The following TBL1XR1 variants were observed in gnomAD, a reference collection of about 807,000 sequenced individuals.
TBL1XR1 encodes the protein TBL1X/Y related 1.
In TBL1XR1, 5 loss-of-function variants were observed where a neutral mutation model predicts 66.9. The observed-to-expected ratio is 0.07, with a 90% confidence interval of 0.04 to 0.16. The LOEUF is 0.16. TBL1XR1 is among the 10% of genes least tolerant of loss of function. TBL1XR1 has a pLI of 1.00. For synonymous variants in TBL1XR1, 210 were observed against 206.0 expected (o/e 1.02, Z -0.17); for missense variants, 238 against 623.2 (o/e 0.38, Z 6.58).
intron 2 of TBL1XR1, among the ~76,000 whole-genome samples, chr3:177,088,937 C>T (rs1161028371): frequency 6.6e-6 from 1 of 152,088 alleles, no homozygotes; most frequent in African/African-American, 2.4e-5. Flanking sequence ...AACTTTCCTA[C>T]AGTAAATAGA....
rs982226873 is a variant in TBL1XR1, at chr3:177,019,904, A to G, written c.*5594T>C. 2.0e-5 allele frequency: 3 copies of G among 152,130 alleles called. No homozygotes were observed. Among genetic ancestry groups the G allele is most frequent in the African/African-American group, 7.2e-5 (3 of 41,430 alleles). The allele number at this position is 152,130 out of a possible 1,614,324, so 9.4% of individuals were successfully genotyped here. A position where few individuals can be genotyped will look rare whatever the true frequency, so the allele number is the denominator to read the frequency against. ...GCAACTGCAGTGGCTTATTTCTAAT[A>G]AAACATAAAACTATGCTTGAATTTA... On this transcript the variant is annotated 3_prime_UTR_variant, in exon 16 of 16. Transcript: ENST00000457928.
chr3:177,137,033 A>C (rs1000215584), intron 1 of TBL1XR1, among the ~76,000 whole-genome samples: 1 of 152,266 alleles, frequency 6.6e-6, no homozygotes, highest in African/African-American at 2.4e-5. Flanking sequence ...GACGGCAAGC[A>C]ATATGACAAT....
intron 2 of TBL1XR1, among the ~76,000 whole-genome samples, chr3:177,077,118 T>C (rs1226245000): frequency 4.6e-5 from 7 of 152,232 alleles, no homozygotes; most frequent in Non-Finnish European, 7.3e-5. Context: ...CATTTTAGTA[T>C]TGTAAACCAG....
intron 5 of TBL1XR1, 103 bp from the exon 6 acceptor site, chr3:177,050,713 T>C (rs978235783): frequency 7.7e-7 from 1 of 1,296,322 alleles, no homozygotes; most frequent in Admixed American, 2.2e-5. Context: ...TCGCACACAG[T>C]GTAACATTTT....
intron 2 of TBL1XR1, among the ~76,000 whole-genome samples, chr3:177,088,721 A>G (rs1722461006): frequency 1.1e-5 from 1 of 94,116 alleles, no homozygotes; most frequent in Non-Finnish European, 2.4e-5. Context: ...AAAAAAAAAA[A>G]AAAGAAAAGA....
chr3:177,145,295 C>T (rs1485336545), intron 1 of TBL1XR1, among the ~76,000 whole-genome samples: 1 of 152,170 alleles, frequency 6.6e-6, no homozygotes, highest in Non-Finnish European at 1.5e-5. Flanking sequence ...CATTTATGTA[C>T]TATTTATGGC....
chr3:177,120,094 C>G (rs930006237), intron 1 of TBL1XR1, among the ~76,000 whole-genome samples: 8 of 152,176 alleles, frequency 5.3e-5, no homozygotes, highest in African/African-American at 1.9e-4. Context: ...ATAGAGCCTA[C>G]TTCTGGAGCA....
chr3:177,034,981 G>C (rs1714562947), intron 12 of TBL1XR1, among the ~76,000 whole-genome samples: 1 of 151,942 alleles, frequency 6.6e-6, no homozygotes, highest in Non-Finnish European at 1.5e-5. Flanking sequence ...GGTAGGTCCT[G>C]CAGTTATCTC....
intron 14 of TBL1XR1, 58 bp downstream of exon 14, chr3:177,032,913 G>A (rs759954654): frequency 1.2e-5 from 16 of 1,389,410 alleles, no homozygotes; most frequent in Non-Finnish European, 1.4e-5. Flanking sequence ...AGAGTGTATA[G>A]GCAAATGCTT....
chr3:177,121,362 T>C (rs1159858502), intron 1 of TBL1XR1, among the ~76,000 whole-genome samples: 2 of 152,166 alleles, frequency 1.3e-5, no homozygotes, highest in East Asian at 3.8e-4. Context: ...ATTTTCAAAT[T>C]TGTCATAATA....
intron 1 of TBL1XR1, among the ~76,000 whole-genome samples, chr3:177,154,183 A>G (rs1731226827): frequency 2.0e-5 from 3 of 152,168 alleles, no homozygotes; most frequent in South Asian, 4.1e-4. Flanking sequence ...TGATAAATAA[A>G]AAATGGAAAA....
At chr3:177,141,047 T>C (rs1729572610) in intron 1 of TBL1XR1, among the ~76,000 whole-genome samples, 2 of 152,152 alleles carry the variant, frequency 1.3e-5, no homozygotes, top group South Asian at 2.1e-4. Flanking sequence ...TATATTTAAC[T>C]GGAAAAAGAA....
At chr3:177,038,520 A>C (rs757534487) in intron 10 of TBL1XR1, 86 bp from the exon 11 acceptor site, 92 of 1,284,546 alleles carry the variant, frequency 7.2e-5, no homozygotes, top group Non-Finnish European at 8.9e-5. Flanking sequence ...GTTGACTAAT[A>C]AAATATACTA....
chr3:177,085,357 G>C (rs1721989029), intron 2 of TBL1XR1, among the ~76,000 whole-genome samples: 1 of 152,178 alleles, frequency 6.6e-6, no homozygotes, highest in Non-Finnish European at 1.5e-5. Context: ...TGGAACCACT[G>C]CCCATGGGTG....
intron 1 of TBL1XR1, among the ~76,000 whole-genome samples, chr3:177,173,052 T>C (rs1481711962): frequency 6.6e-6 from 1 of 152,020 alleles, no homozygotes; most frequent in Non-Finnish European, 1.5e-5. Context: ...CCGGGCGTGG[T>C]GATGCATGCC....
chr3:177,122,289 A>T (rs561632448), intron 1 of TBL1XR1, among the ~76,000 whole-genome samples: 23 of 4,476 alleles, frequency 5.1e-3, no homozygotes, highest in East Asian at 0.1. Context: ...TAAGACAGAT[A>T]AAAAAAAAAA....
In TBL1XR1 at chr3:177,087,895, A is replaced by G. The variant is rs1368396290; in HGVS notation, c.-46+10571T>C. On this transcript the variant is annotated intron_variant, in intron 2 of 15. Transcript: ENST00000457928. The stretch of plus-strand genomic sequence containing the variant: ...AAAATCTAGTAAGACCAAATTTAAT[A>G]TAGTACACCCAAAGAAAATTAGGAA... Among the ~76,000 whole-genome samples the G allele has an allele frequency of 2.0e-5, 3 of 152,188 alleles. No individual in the cohort carries two copies. The East Asian group carries it at 5.8e-4, about 29-fold the overall frequency.
chr3:177,037,068 A>G (rs1190090475), intron 12 of TBL1XR1, among the ~76,000 whole-genome samples: 2 of 152,198 alleles, frequency 1.3e-5, no homozygotes. Context: ...ATCCATGTTG[A>G]GATGTGGATG....
chr3:177,079,134 T>C (rs1721075306), intron 2 of TBL1XR1, among the ~76,000 whole-genome samples: 3 of 148,826 alleles, frequency 2.0e-5, no homozygotes, highest in Non-Finnish European at 3.0e-5. Flanking sequence ...TGTCGGTATT[T>C]CACAAAAAAA....
Sources: allele counts gnomAD v4.1 joint callset (sites outside exome capture counted in the v4.1 genomes callset), GRCh38; gene constraint gnomAD v4.1.1; transcripts MANE v1.5; gene names NCBI Gene and HGNC (gene_info 2026-07-23, HGNC 2026-07-21).